The following C14orf93 variants were observed in gnomAD, a reference collection of about 807,000 sequenced individuals.
C14orf93 encodes uncharacterized protein C14orf93.
A neutral mutation model predicts 44.0 loss-of-function variants in C14orf93; 23 were observed. That is an observed-to-expected ratio of 0.52 (90% CI 0.38 to 0.74). The LOEUF (loss-of-function observed/expected upper bound fraction) is 0.74, where lower values mean the gene tolerates loss of function less well. Among genes scored for constraint, C14orf93 ranks in the 30% least tolerant of loss-of-function variants. C14orf93 has a pLI of 0.00. For synonymous variants in C14orf93, 253 were observed against 265.7 expected, an observed-to-expected ratio of 0.95 and a Z score of 0.46; for missense variants, 579 against 678.9, an observed-to-expected ratio of 0.85 and a Z score of 1.64.
In C14orf93 at chr14:22,999,167, A is replaced by T; in HGVS notation, c.-144T>A. The T allele has an allele frequency of 1.5e-5, 19 of 1,302,248 alleles. No individual in the cohort carries two copies. The highest frequency in any genetic ancestry group is 2.0e-5 in the Non-Finnish European group (19 of 973,910). The allele number at this position is 1,302,248 out of a possible 1,614,324, so 80.7% of individuals were successfully genotyped here. ...CCCAAGCTGTAGGGTCTGTGAAAGA[A>T]GAGTAAACAAGCCATGAAGAAGCAC... On this transcript the variant is annotated 5_prime_UTR_variant, in exon 2 of 7. Coordinates refer to ENST00000299088, the MANE Select transcript of C14orf93 (RefSeq NM_021944.4).
rs575666836 is a variant in C14orf93, at chr14:22,994,613, AG to A, written c.918+1334del. Among the ~76,000 whole-genome samples, 362 of 151,952 alleles carry A rather than the reference AG, an allele frequency of 2.4e-3. 1 individual carries two copies. The highest frequency in any genetic ancestry group is 8.3e-3 in the African/African-American group (344 of 41,422). On this transcript the variant is annotated intron_variant, in intron 3 of 6. Coordinates refer to ENST00000299088, the MANE Select transcript of C14orf93 (RefSeq NM_021944.4). ...CATGGTGGTGCATGCCTGTAATCCC[AG>A]CTACTCGGGAGGCTGAGGTGGGAGA...
At chr14:22,989,702 G>A in intron 5 of C14orf93, 40 bp downstream of exon 5, 5 of 1,330,224 alleles carry the variant, frequency 3.8e-6, no homozygotes, top group Non-Finnish European at 5.4e-6. Flanking sequence ...GAGGAGAGGG[G>A]GAGAAAGGAT....
At chr14:22,994,524 G>GA (rs1195377447) in intron 3 of C14orf93, among the ~76,000 whole-genome samples, 2 of 150,402 alleles carry the variant, frequency 1.3e-5, no homozygotes, top group African/African-American at 4.9e-5. Flanking sequence ...ACAGTTGTCA[G>GA]AAAAAAGCTT....
At chr14:23,002,066 G>A (rs1403829091) in intron 1 of C14orf93, among the ~76,000 whole-genome samples, 8 of 148,802 alleles carry the variant, frequency 5.4e-5, no homozygotes, top group Non-Finnish European at 8.9e-5. Flanking sequence ...GGAGAATGGC[G>A]TGAACCCGGG....
In C14orf93 at chr14:22,996,985, A is replaced by ACG. The variant is rs2046017103; in HGVS notation, c.598-718_598-717insCG. 2.1e-5 allele frequency among the ~76,000 whole-genome samples: 1 copy of ACG among 48,524 alleles called. No homozygotes were observed. The highest frequency in any genetic ancestry group is 1.1e-4 in the African/African-American group (1 of 9,204). The allele number at this position is 48,524 out of a possible 152,430, so 31.8% of individuals were successfully genotyped here. A position where few individuals can be genotyped will look rare whatever the true frequency, so the allele number is the denominator to read the frequency against. On this transcript the variant is annotated intron_variant, in intron 2 of 6. Coordinates refer to ENST00000299088, the MANE Select transcript of C14orf93 (RefSeq NM_021944.4). The surrounding 1 kb of genome is among the most constrained non-coding windows in gnomAD (Gnocchi z 4.1). Reference sequence around the variant, plus strand: ...AAAGTGGGGACACACACGCACACGCACACACACACACACACACACACACAC... The same window carrying ACG: ...AAAGTGGGGACACACACGCACACGCACGCACACACACACACACACACACACAC...
intron 4 of C14orf93, 47 bp from the exon 5 acceptor site, chr14:22,989,892 G>T (rs34851432): frequency 0.073 from 112,460 of 1,550,114 alleles, 4,665 homozygotes; most frequent in Middle Eastern, 0.089. Context: ...CTTTGTAAGA[G>T]CCAGACAAAC....
chr14:22,989,054 C>T (rs1317482901), intron 5 of C14orf93, among the ~76,000 whole-genome samples: 1 of 152,178 alleles, frequency 6.6e-6, no homozygotes, highest in African/African-American at 2.4e-5. Context: ...GATCTTGGCT[C>T]AATGCAACCT....
chr14:23,004,274 G>A (rs567452671), intron 1 of C14orf93, among the ~76,000 whole-genome samples: 1 of 150,502 alleles, frequency 6.6e-6, no homozygotes, highest in African/African-American at 2.4e-5. Flanking sequence ...GCAGTGGCAC[G>A]ATTTCGGCTC....
chr14:23,003,882 ATATATATATATATATATTTTTTTTTT>A (rs2046454926), intron 1 of C14orf93, among the ~76,000 whole-genome samples: 2 of 14,306 alleles, frequency 1.4e-4, no homozygotes, highest in African/African-American at 3.4e-4. Flanking sequence ...ATATATATAT[ATATATATATATATATATTTTTTTTTT>A]TTTTTTTTTT....
Position 22,996,309 on chromosome 14 carries a change from T to C in C14orf93, c.598-41A>G. 6 of 1,506,152 alleles carry C rather than the reference T, an allele frequency of 4.0e-6. No individual in the cohort carries two copies. The highest frequency in any genetic ancestry group is 5.3e-6 in the Non-Finnish European group (6 of 1,123,164). The allele number at this position is 1,506,152 out of a possible 1,614,324, so 93.3% of individuals were successfully genotyped here. On this transcript the variant is annotated intron_variant, in intron 2 of 6. Coordinates refer to ENST00000299088, the MANE Select transcript of C14orf93 (RefSeq NM_021944.4). This position sits in a 1 kb window ranked among gnomAD's most constrained non-coding sequence, Gnocchi z 4.1. ...ATAATAGCCTATTAGCCAGCCAGGC[T>C]TAGGGGAACCTGGTTAACCATCATT... is the stretch of plus-strand genomic sequence containing the variant.
At chr14:22,988,282 T>C (rs1209116787) in intron 5 of C14orf93, among the ~76,000 whole-genome samples, 2 of 151,896 alleles carry the variant, frequency 1.3e-5, no homozygotes, top group African/African-American at 4.8e-5. Flanking sequence ...TACAGGCATG[T>C]GCCACCACAT....
chr14:22,988,861 G>A (rs2045408371), intron 5 of C14orf93, among the ~76,000 whole-genome samples: 1 of 152,090 alleles, frequency 6.6e-6, no homozygotes, highest in African/African-American at 2.4e-5. Context: ...GCTGAGGCAG[G>A]AGGATTGCTT....
chr14:23,007,756 A>C (rs948480287), intron 1 of C14orf93, among the ~76,000 whole-genome samples: 3 of 152,120 alleles, frequency 2.0e-5, no homozygotes, highest in Non-Finnish European at 2.9e-5. Context: ...GTTCAGGGAG[A>C]GCTCTCCCTA....
rs1240983386 is a variant in C14orf93 at position 22,987,561 on chromosome 14, T to C, written c.1271A>G (p.Glu424Gly). The change falls in exon 7 of 7, where the codon GAG (glutamate) becomes GGG (glycine). Residue 424 changes from glutamate to glycine, a missense_variant. Physicochemically the swap from Glu to Gly is moderately conservative, Grantham distance 98. Coordinates refer to ENST00000299088, the MANE Select transcript of C14orf93 (RefSeq NM_021944.4). This position sits in a 1 kb window ranked among gnomAD's most constrained non-coding sequence, Gnocchi z 5.6. The stretch of plus-strand genomic sequence containing the variant: ...GTCCTCTTCATCTGACATCAGTTCC[T>C]CTGTCACATCATTCCACAGACGTTG... ...EDQRLWNDVT[E>G]ELMSDEEDSL... 6.2e-7 allele frequency: 1 copy of C among 1,614,102 alleles called. No individual in the cohort carries two copies. Among genetic ancestry groups the C allele is most frequent in the East Asian group, 2.2e-5 (1 of 44,886 alleles).
intron 1 of C14orf93, among the ~76,000 whole-genome samples, chr14:23,002,009 C>T (rs1392839936): frequency 6.6e-6 from 1 of 151,540 alleles, no homozygotes; most frequent in Non-Finnish European, 1.5e-5. Context: ...ATTAGCCGGG[C>T]GTGGTGGCGG....
rs3829409 is a variant in C14orf93, at chr14:22,998,455, G to A, written c.569C>T (p.Ala190Val). 159,971 of 1,585,988 alleles carry A rather than the reference G, an allele frequency of 0.1. 8,624 individuals are homozygous for A. Among genetic ancestry groups the A allele is most frequent in the South Asian group, 0.13 (11,244 of 88,572 alleles). ...ATTGAGCAGGGGGGCCGCCTCGCTG[G>A]CAGCCAGCGTGCACCCTGGGAGCCG... ...DMRLPGCTLA[A>V]SEAAPLLNPL... Residue 190 changes from alanine to valine, a missense_variant, in exon 2 of 7, where the codon GCC (alanine) becomes GTC (valine). Transcript: ENST00000299088.
In C14orf93 at chr14:22,996,098, A is replaced by T. The variant is rs2045956361; in HGVS notation, c.768T>A (p.Asn256Lys). The T allele has an allele frequency of 5.6e-6, 9 of 1,614,048 alleles. No homozygotes were observed. The East Asian group carries it at 2.0e-4, about 36-fold the overall frequency. Residue 256 changes from asparagine to lysine, a missense_variant, in exon 3 of 7, where the codon AAT (asparagine) becomes AAA (lysine). Transcript: ENST00000299088. The surrounding 1 kb of genome is among the most constrained non-coding windows in gnomAD (Gnocchi z 4.1). ...AGGCACTGTCCAGCGCAGCAGCGGCATTGAGCATGTCCTCAGGGCGGGGTG... is the reference window on the plus strand; with the variant it reads ...AGGCACTGTCCAGCGCAGCAGCGGCTTTGAGCATGTCCTCAGGGCGGGGTG... The part of the protein sequence containing the change: ...LPPPRPEDML[N>K]AAAALDSALE...
At chr14:22,998,339 A>C (rs2046113846) in intron 2 of C14orf93, 88 bp downstream of exon 2, 4 of 1,421,024 alleles carry the variant, frequency 2.8e-6, no homozygotes, top group African/African-American at 1.4e-5. Flanking sequence ...CAAAAGGTTT[A>C]AAGATGGAAA....
intron 3 of C14orf93, chr14:22,994,213 T>G (rs778209341): frequency 6.6e-6 from 1 of 152,202 alleles, no homozygotes; most frequent in Non-Finnish European, 1.5e-5. Flanking sequence ...GAACATTGTA[T>G]GGCTAAAGAA....
Sources: allele counts gnomAD v4.1 joint callset (sites outside exome capture counted in the v4.1 genomes callset), GRCh38; gene constraint gnomAD v4.1.1; non-coding constraint Gnocchi (gnomAD v3.1); transcripts MANE v1.5; gene names NCBI Gene and HGNC (gene_info 2026-07-23, HGNC 2026-07-21).